The following AGAP1 variants were observed in gnomAD, a reference collection of about 807,000 sequenced individuals.
The protein encoded by AGAP1 is arf-GAP with GTPase, ANK repeat and PH domain-containing protein 1.
A neutral mutation model predicts 105.3 loss-of-function variants in AGAP1; 29 were observed. The ratio of observed to expected loss-of-function variants is 0.28; its 90% CI spans 0.21 to 0.38. The LOEUF (loss-of-function observed/expected upper bound fraction) is 0.38. Among genes scored for constraint, AGAP1 ranks in the 10% least tolerant of loss-of-function variants. AGAP1 has a pLI of 1.00. For synonymous variants in AGAP1, 509 were observed against 485.9 expected (o/e 1.05, Z -0.63); for missense variants, 998 against 1,165.1 (o/e 0.86, Z 2.09).
chr2:235,504,191 A>G (rs1246306709), intron 1 of AGAP1, among the ~76,000 whole-genome samples: 1 of 152,122 alleles, frequency 6.6e-6, no homozygotes, highest in Non-Finnish European at 1.5e-5. Flanking sequence ...TGCCCAAGTC[A>G]TAAAGGAGAA....
intron 1 of AGAP1, among the ~76,000 whole-genome samples, chr2:235,520,925 C>G (rs1334126173): frequency 2.6e-5 from 4 of 152,146 alleles, no homozygotes; most frequent in African/African-American, 7.2e-5. Context: ...TTTCAGGAAG[C>G]CTTCTGTGTT....
intron 12 of AGAP1, among the ~76,000 whole-genome samples, chr2:235,937,725 C>T (rs886271180): frequency 7.9e-5 from 12 of 152,102 alleles, no homozygotes; most frequent in Admixed American, 2.6e-4. Flanking sequence ...TGGGACAGTT[C>T]GTGATGTCCG....
intron 3 of AGAP1, among the ~76,000 whole-genome samples, chr2:235,726,228 G>C (rs145443497): frequency 3.3e-5 from 5 of 152,172 alleles, no homozygotes; most frequent in Admixed American, 6.5e-5. Context: ...GGACAAGCCC[G>C]CTGGCTTCTG....
intron 16 of AGAP1, 54 bp downstream of exon 16, chr2:236,049,335 A>G: frequency 6.5e-7 from 1 of 1,528,254 alleles, no homozygotes. Context: ...CAGTTAGGCA[A>G]CTGGAAGTGA....
chr2:235,722,173 A>G lies in AGAP1; in HGVS notation c.310+4529A>G, dbSNP rs541618355. Reference sequence around the variant, plus strand: ...TGCGTGCTCACACGTGTGTGTGCACATCTGGGTGTGTAATATATGTATGTG... The same window carrying G: ...TGCGTGCTCACACGTGTGTGTGCACGTCTGGGTGTGTAATATATGTATGTG... On this transcript the variant is annotated intron_variant, in intron 3 of 17. Coordinates refer to ENST00000304032, the MANE Select transcript of AGAP1 (RefSeq NM_001037131.3). 2.6e-5 allele frequency among the ~76,000 whole-genome samples: 4 copies of G among 152,302 alleles called. No homozygotes were observed. The East Asian group carries it at 7.7e-4, about 29-fold the overall frequency.
rs144632180 is a variant in AGAP1, at chr2:235,799,412, C to T, written c.847C>T (p.Pro283Ser). The T allele has an allele frequency of 6.2e-7, 1 of 1,614,142 alleles. No individual in the cohort carries two copies. The highest frequency in any genetic ancestry group is 1.3e-5 in the African/African-American group (1 of 75,002). The change falls in exon 8 of 18, where the codon CCA becomes TCA. Residue 283 changes from proline to serine, a missense_variant. Pro to Ser is a moderately conservative substitution (Grantham distance 74). Coordinates refer to ENST00000304032, the MANE Select transcript of AGAP1 (RefSeq NM_001037131.3). This position sits in a 1 kb window ranked among gnomAD's most constrained non-coding sequence, Gnocchi z 5.0. ...TTTAAGCGACTATTCCTCCTCCGTT[C>T]CATCGACTCCCAGCACCAGCCAGAA... ...GSLSDYSSSVPSTPSTSQKEL... is the reference protein window; with the variant it reads ...GSLSDYSSSVSSTPSTSQKEL...
chr2:235,969,451 TGA>T (rs1426767971), intron 13 of AGAP1, among the ~76,000 whole-genome samples: 4 of 152,234 alleles, frequency 2.6e-5, no homozygotes, highest in Non-Finnish European at 5.9e-5. Context: ...CCGACAATGG[TGA>T]GAGAGTGTGG....
chr2:235,657,911 G>A (rs1947826176), intron 1 of AGAP1, among the ~76,000 whole-genome samples: 1 of 152,170 alleles, frequency 6.6e-6, no homozygotes, highest in Admixed American at 6.5e-5. Context: ...GACACACAGA[G>A]GAAAGACCAT....
At chr2:235,598,707 G>A (rs1417676955) in intron 1 of AGAP1, among the ~76,000 whole-genome samples, 2 of 152,206 alleles carry the variant, frequency 1.3e-5, no homozygotes, top group Non-Finnish European at 2.9e-5. Context: ...TTGCTGTAAC[G>A]GAGTCGTCCC....
rs182854362 is a variant in AGAP1 at position 236,096,979 on chromosome 2, A to G, written c.2115-23213A>G. Among the ~76,000 whole-genome samples, 43 of 152,318 alleles carry G rather than the reference A, an allele frequency of 2.8e-4. No homozygotes were observed. The highest frequency in any genetic ancestry group is 9.9e-4 in the African/African-American group (41 of 41,568). On this transcript the variant is annotated intron_variant, in intron 16 of 17. Coordinates refer to ENST00000304032, the MANE Select transcript of AGAP1 (RefSeq NM_001037131.3). The surrounding 1 kb of genome is among the most constrained non-coding windows in gnomAD (Gnocchi z 4.4). ...CAAATGCATTGAGCTGAATGGAAAA[A>G]ACAAACTTTATTGGTAATATCCTGA...
chr2:235,582,332 G>C lies in AGAP1; in HGVS notation c.163+87483G>C, dbSNP rs929053573. On this transcript the variant is annotated intron_variant, in intron 1 of 17. Coordinates refer to ENST00000304032, the MANE Select transcript of AGAP1 (RefSeq NM_001037131.3). The surrounding 1 kb of genome is among the most constrained non-coding windows in gnomAD (Gnocchi z 4.7). Reference sequence around the variant, plus strand: ...GTGGCTCTTTGTGCTGGCATTTAGGGTGTCACTAAAGCCCAAGACCAGGAT... The same window carrying C: ...GTGGCTCTTTGTGCTGGCATTTAGGCTGTCACTAAAGCCCAAGACCAGGAT... 6.6e-6 allele frequency among the ~76,000 whole-genome samples: 1 copy of C among 152,162 alleles called. No individual in the cohort carries two copies. The highest frequency in any genetic ancestry group is 6.5e-5 in the Admixed American group (1 of 15,276).
At chr2:235,938,289 C>T (rs188601595) in intron 12 of AGAP1, among the ~76,000 whole-genome samples, 4 of 152,316 alleles carry the variant, frequency 2.6e-5, no homozygotes, top group East Asian at 1.9e-4. Context: ...TTGGGCCTAT[C>T]GCAGCAGCAG....
rs371022389 is a variant in AGAP1, at chr2:236,054,858, C to T, written c.2114+5577C>T. ...GCGGATTGATGCCCTGCCCCTGCCG[C>T]CACTGCCGGGCCCGGGCCCCCTCCC... On this transcript the variant is annotated intron_variant, in intron 16 of 17. Transcript: ENST00000304032. Among the ~76,000 whole-genome samples the T allele has an allele frequency of 1.4e-4, 21 of 152,314 alleles. No individual in the cohort carries two copies. In the East Asian group the frequency reaches 3.9e-3, roughly 28 times the overall value.
At chr2:235,604,079 T>C (rs1004397635) in intron 1 of AGAP1, among the ~76,000 whole-genome samples, 2 of 152,022 alleles carry the variant, frequency 1.3e-5, no homozygotes, top group Non-Finnish European at 2.9e-5. Context: ...TGCTCATTTT[T>C]TTTTTCCTTT....
rs1559662015 is a variant in AGAP1 at position 235,931,456 on chromosome 2, T to TTATTATTA, written c.1483+534_1483+535insATTATTAT. On this transcript the variant is annotated intron_variant, in intron 12 of 17. Coordinates refer to ENST00000304032, the MANE Select transcript of AGAP1 (RefSeq NM_001037131.3). The surrounding 1 kb of genome is among the most constrained non-coding windows in gnomAD (Gnocchi z 5.6). ...TGGCATTATTATTATTATTATTATT[T>TTATTATTA]TGACAAGTGTATCCAGCTTTTTGGG... is the stretch of plus-strand genomic sequence containing the variant. Among the ~76,000 whole-genome samples the TTATTATTA allele has an allele frequency of 1.6e-4, 24 of 152,012 alleles. No individual in the cohort carries two copies. The highest frequency in any genetic ancestry group is 5.6e-4 in the African/African-American group (23 of 41,406).
Position 236,012,841 on chromosome 2 carries a change from C to T in AGAP1, c.1646-23720C>T, listed in dbSNP as rs138308145. Among the ~76,000 whole-genome samples the T allele has an allele frequency of 1.7e-3, 259 of 152,112 alleles. 1 individual carries two copies. The highest frequency in any genetic ancestry group is 6.0e-3 in the African/African-American group (248 of 41,470). ...TCGCCCAGGCTGGAGTGCAGTGGTACGATCTCAGCTCACTGCAACCTCCGC... is the reference window on the plus strand; with the variant it reads ...TCGCCCAGGCTGGAGTGCAGTGGTATGATCTCAGCTCACTGCAACCTCCGC... On this transcript the variant is annotated intron_variant, in intron 13 of 17. Coordinates refer to ENST00000304032, the MANE Select transcript of AGAP1 (RefSeq NM_001037131.3). This position sits in a 1 kb window ranked among gnomAD's most constrained non-coding sequence, Gnocchi z 4.9.
At chr2:235,778,939 C>T (rs1001488107) in intron 6 of AGAP1, among the ~76,000 whole-genome samples, 7 of 152,226 alleles carry the variant, frequency 4.6e-5, no homozygotes, top group Admixed American at 2.0e-4. Flanking sequence ...CTGTGCCTCA[C>T]ATGGATCAAC....
At position 235,633,301 on chromosome 2, in the gene AGAP1, G is replaced by C. The variant is rs1458794657; in HGVS notation, c.164-75878G>C. Among the ~76,000 whole-genome samples the C allele has an allele frequency of 6.6e-6, 1 of 152,120 alleles. No individual in the cohort carries two copies. Among genetic ancestry groups the C allele is most frequent in the Non-Finnish European group, 1.5e-5 (1 of 68,018 alleles). On this transcript the variant is annotated intron_variant, in intron 1 of 17. Transcript: ENST00000304032. The surrounding 1 kb of genome is among the most constrained non-coding windows in gnomAD (Gnocchi z 4.8). ...AAGTAGAAGTGGAATTGGACAAATAGGGCATGAGCGGGCCGGGCGTGGTGG... is the reference window on the plus strand; with the variant it reads ...AAGTAGAAGTGGAATTGGACAAATACGGCATGAGCGGGCCGGGCGTGGTGG...
At chr2:235,819,117 CTT>C (rs1235692784) in intron 9 of AGAP1, among the ~76,000 whole-genome samples, 31 of 73,978 alleles carry the variant, frequency 4.2e-4, no homozygotes, top group East Asian at 4.0e-4. Flanking sequence ...CTTTTCTTTT[CTT>C]TTTTTTTTTT....
Sources: gnomAD v4.1 joint callset for allele counts (sites outside exome capture counted in the v4.1 genomes callset) on GRCh38, gnomAD v4.1.1 for gene constraint, Gnocchi (gnomAD v3.1) non-coding constraint, MANE v1.5 for transcripts, NCBI Gene and HGNC (gene_info 2026-07-23, HGNC 2026-07-21) for gene names.